Variants in MAPK10 observed in about 807,000 individuals in gnomAD.
The protein encoded by MAPK10 is mitogen-activated protein kinase 10.
A neutral mutation model predicts 59.3 loss-of-function variants in MAPK10; 25 were observed. The observed-to-expected ratio is 0.42, with a 90% CI of 0.31 to 0.59. MAPK10 has a LOEUF of 0.59. Ranked by LOEUF, MAPK10 falls within the 20% of genes least tolerant of loss-of-function variation. The probability of loss-of-function intolerance (pLI) is 0.15; values close to 1 mark genes in which losing one functional copy is unlikely to be tolerated. For synonymous variants in MAPK10, 190 were observed against 200.5 expected, an observed-to-expected ratio of 0.95 and a Z score of 0.44; for missense variants, 351 against 568.9, an observed-to-expected ratio of 0.62 and a Z score of 3.90.
chr4:86,028,905 T>C (rs1751705611), intron 13 of MAPK10: 1 of 404,974 alleles, frequency 2.5e-6, no homozygotes, highest in African/African-American at 2.0e-5. Flanking sequence ...CTCTGAATTT[T>C]GATGAGGCAC....
At chr4:86,132,735 A>G (rs536512293) in intron 4 of MAPK10, among the ~76,000 whole-genome samples, 23 of 152,218 alleles carry the variant, frequency 1.5e-4, no homozygotes, top group Non-Finnish European at 2.9e-4. Context: ...CGTGCACCCT[A>G]TTGTGAACTG....
In MAPK10 at chr4:86,155,527, C is replaced by A. The variant is rs1266201430; in HGVS notation, c.236+3771G>T. Among the ~76,000 whole-genome samples, 3 of 151,814 alleles carry A rather than the reference C, an allele frequency of 2.0e-5. No individual in the cohort carries two copies. The South Asian group carries it at 6.2e-4, about 31-fold the overall frequency. On this transcript the variant is annotated intron_variant, in intron 4 of 13. Coordinates refer to ENST00000641462, the MANE Select transcript of MAPK10 (RefSeq NM_138982.4). ...TGTCTGAGGCAGATACATTCCAAGA[C>A]CCCCAGTGGATGTCTGAAACTGGAT...
intron 4 of MAPK10, among the ~76,000 whole-genome samples, chr4:86,135,098 G>A (rs574583890): frequency 2.0e-5 from 3 of 152,182 alleles, no homozygotes; most frequent in Non-Finnish European, 4.4e-5. Context: ...AGGCAGCAGC[G>A]AGGCTGGGGG....
At chr4:86,159,076 CA>C (rs907187230) in intron 4 of MAPK10, 1,426 of 316,504 alleles carry the variant, frequency 4.5e-3, no homozygotes, top group Middle Eastern at 8.4e-3. Flanking sequence ...TTTCTCTGAC[CA>C]AAAAAAAAAC....
intron 2 of MAPK10, among the ~76,000 whole-genome samples, chr4:86,285,505 G>A (rs1394370828): frequency 2.6e-5 from 4 of 152,028 alleles, no homozygotes; most frequent in Non-Finnish European, 4.4e-5. Context: ...GTGAGCCACC[G>A]TGCCTGGCCT....
intron 1 of MAPK10, among the ~76,000 whole-genome samples, chr4:86,504,071 A>T (rs926700077): frequency 6.6e-6 from 1 of 152,026 alleles, no homozygotes; most frequent in Non-Finnish European, 1.5e-5. Flanking sequence ...CCCCCAGCCT[A>T]CCCAGATAAT....
At chr4:86,434,778 C>T (rs984473831) in intron 1 of MAPK10, among the ~76,000 whole-genome samples, 8 of 152,206 alleles carry the variant, frequency 5.3e-5, no homozygotes, top group African/African-American at 4.8e-5. Flanking sequence ...TATGATGCAG[C>T]GGTCCCATTG....
At chr4:86,421,387 T>C (rs1746520617) in intron 1 of MAPK10, among the ~76,000 whole-genome samples, 3 of 152,180 alleles carry the variant, frequency 2.0e-5, no homozygotes, top group Admixed American at 2.0e-4. Context: ...TAAAAGCCAC[T>C]TGGAAGCAAA....
intron 1 of MAPK10, among the ~76,000 whole-genome samples, chr4:86,587,074 C>T (rs1387778251): frequency 6.6e-6 from 1 of 152,134 alleles, no homozygotes; most frequent in African/African-American, 2.4e-5. Flanking sequence ...AGTTTTCATG[C>T]ATATATTGTA....
chr4:86,446,467 T>C (rs559022008), intron 1 of MAPK10, among the ~76,000 whole-genome samples: 1 of 152,128 alleles, frequency 6.6e-6, no homozygotes, highest in South Asian at 2.1e-4. Context: ...CCTCCTGCCT[T>C]GGCCTCCCAA....
chr4:86,326,536 A>G (rs1354819798), intron 2 of MAPK10: 1 of 152,132 alleles, frequency 6.6e-6, no homozygotes, highest in Admixed American at 6.5e-5. Flanking sequence ...ACTCCCCCTA[A>G]ATGCTGAAAA....
chr4:86,305,969 A>C (rs1365900013), intron 2 of MAPK10, among the ~76,000 whole-genome samples: 2 of 152,234 alleles, frequency 1.3e-5, no homozygotes, highest in African/African-American at 4.8e-5. Flanking sequence ...GCAAATAAAG[A>C]AATAGATAAT....
chr4:86,226,939 T>C (rs1583178791), intron 2 of MAPK10, among the ~76,000 whole-genome samples: 1 of 152,324 alleles, frequency 6.6e-6, no homozygotes, highest in South Asian at 2.1e-4. Context: ...GCAAATCTAA[T>C]TTATCTAGCT....
rs529661058 is a variant in MAPK10, at chr4:86,419,198, G to A, written c.-122+33832C>T. ...TCTTTACTGGCTTTAAAGAACAGCT[G>A]TGGCTATAAAAATGTGTCATTTTCT... is the stretch of plus-strand genomic sequence containing the variant. On this transcript the variant is annotated intron_variant, in intron 1 of 13. Transcript: ENST00000361569. Among the ~76,000 whole-genome samples the A allele has an allele frequency of 4.6e-5, 7 of 152,268 alleles. No homozygotes were observed. In the East Asian group the frequency reaches 9.6e-4, roughly 21 times the overall value.
intron 2 of MAPK10, among the ~76,000 whole-genome samples, chr4:86,347,007 T>A (rs975864863): frequency 1.3e-5 from 2 of 152,166 alleles, no homozygotes; most frequent in Non-Finnish European, 2.9e-5. Context: ...TTAAGATTTA[T>A]AAGTGACTTT....
At chr4:86,054,406 C>T (rs534205822) in intron 11 of MAPK10, among the ~76,000 whole-genome samples, 3 of 152,214 alleles carry the variant, frequency 2.0e-5, no homozygotes, top group Admixed American at 6.5e-5. Context: ...GATAGCTTCA[C>T]GTTAAGCAGC....
intron 9 of MAPK10, among the ~76,000 whole-genome samples, chr4:86,082,618 C>T (rs1045609014): frequency 2.0e-5 from 3 of 152,246 alleles, no homozygotes; most frequent in South Asian, 4.1e-4. Flanking sequence ...GGAGAAATGG[C>T]TGAAGGCAGC....
At chr4:86,171,437 T>C (rs2074107142) in intron 3 of MAPK10, among the ~76,000 whole-genome samples, 1 of 151,868 alleles carries the variant, frequency 6.6e-6, no homozygotes, top group Non-Finnish European at 1.5e-5. Flanking sequence ...TCTACAACTA[T>C]CTGATCTTTG....
rs772650050 is a variant in MAPK10, at chr4:86,423,760, G to GATATATATATATATATATATAT, written c.-122+29269_-122+29270insATATATATATATATATATATAT. Among the ~76,000 whole-genome samples, 260 of 117,058 alleles carry GATATATATATATATATATATAT rather than the reference G, an allele frequency of 2.2e-3. 15 individuals are homozygous for GATATATATATATATATATATAT. Among genetic ancestry groups the GATATATATATATATATATATAT allele is most frequent in the African/African-American group, 2.8e-3 (79 of 28,674 alleles). 76.8% of individuals were successfully genotyped at this position (117,058 alleles called of 152,430 possible). ...AGGGCTGCATATAAGTAATTAGTGGGATATATATACATATATATATATATA... is the reference window on the plus strand; with the variant it reads ...AGGGCTGCATATAAGTAATTAGTGGGATATATATATATATATATATATATATATATACATATATATATATATA... On this transcript the variant is annotated intron_variant, in intron 1 of 13. Coordinates refer to the MAPK10 transcript ENST00000361569.
Sources: gnomAD v4.1 joint callset for allele counts (sites outside exome capture counted in the v4.1 genomes callset) on GRCh38, gnomAD v4.1.1 for gene constraint, MANE v1.5 for transcripts, NCBI Gene and HGNC (gene_info 2026-07-23, HGNC 2026-07-21) for gene names.